MACF1: variants seen among roughly 807,000 people sequenced by gnomAD.
The protein encoded by MACF1 is microtubule actin crosslinking factor 1.
MACF1 carries 193 observed loss-of-function variants against 854.8 expected under a neutral mutation model. The ratio of observed to expected loss-of-function variants is 0.23; its 90% confidence interval spans 0.20 to 0.25. The LOEUF (loss-of-function observed/expected upper bound fraction) is 0.25. Among genes scored for constraint, MACF1 ranks in the 10% least tolerant of loss-of-function variants. The pLI, the probability that MACF1 is intolerant of heterozygous loss-of-function variation, is 1.00. For synonymous variants in MACF1, 3,185 were observed against 3,226.7 expected, an observed-to-expected ratio of 0.99 and a Z score of 0.44; for missense variants, 7,722 against 8,929.1, an observed-to-expected ratio of 0.86 and a Z score of 5.45.
chr1:39,192,019 T>C (rs1200960723), intron 2 of MACF1, among the ~76,000 whole-genome samples: 1 of 151,994 alleles, frequency 6.6e-6, no homozygotes, highest in Non-Finnish European at 1.5e-5. Context: ...GGTGTGGTGG[T>C]GTATGCCTGT....
At chr1:39,419,116 G>A (rs1031787810) in intron 58 of MACF1, among the ~76,000 whole-genome samples, 1 of 152,158 alleles carries the variant, frequency 6.6e-6, no homozygotes, top group African/African-American at 2.4e-5. Context: ...GCTTTATTTG[G>A]GAGTTGACAG....
intron 2 of MACF1, among the ~76,000 whole-genome samples, chr1:39,164,278 T>G (rs1643862933): frequency 1.3e-5 from 2 of 152,228 alleles, no homozygotes; most frequent in South Asian, 4.1e-4. Flanking sequence ...ATACATATAT[T>G]CAAAGCTCTG....
intron 20 of MACF1, 60 bp downstream of exon 20, chr1:39,295,942 C>T (rs557283676): frequency 1.4e-6 from 2 of 1,433,276 alleles, no homozygotes; most frequent in East Asian, 4.6e-5. Context: ...GGTGAGGTTA[C>T]AAACACATCT....
At chr1:39,113,659 C>G (rs1025740350) in intron 2 of MACF1, among the ~76,000 whole-genome samples, 1 of 152,114 alleles carries the variant, frequency 6.6e-6, no homozygotes, top group African/African-American at 2.4e-5. Flanking sequence ...AAGCTTGTGC[C>G]AAATGAAAGC....
intron 2 of MACF1, among the ~76,000 whole-genome samples, chr1:39,132,610 G>T (rs1415301287): frequency 6.6e-6 from 1 of 152,108 alleles, no homozygotes; most frequent in Non-Finnish European, 1.5e-5. Flanking sequence ...CTTGGATCCT[G>T]ATCAGCTGAT....
At position 39,360,194 on chromosome 1, in the gene MACF1, T is replaced by C. The variant is rs181403334; in HGVS notation, c.12245-599T>C. 2.0e-3 allele frequency among the ~76,000 whole-genome samples: 297 copies of C among 151,098 alleles called. 1 individual carries two copies. The highest frequency in any genetic ancestry group is 4.0e-3 in the South Asian group (19 of 4,770). Reference sequence around the variant, plus strand: ...TGATAAGTATGTGAGGTAATGCATATGTTAAATAGCTTAGCTTAGCCATCC... The same window carrying C: ...TGATAAGTATGTGAGGTAATGCATACGTTAAATAGCTTAGCTTAGCCATCC... On this transcript the variant is annotated intron_variant, in intron 47 of 100. Transcript: ENST00000564288.
rs775585173 is a variant in MACF1, at chr1:39,460,177, GA to G, written c.21361-452del. Among the ~76,000 whole-genome samples, 177 of 152,164 alleles carry G rather than the reference GA, an allele frequency of 1.2e-3. 7 individuals are homozygous for G. The highest frequency in any genetic ancestry group is 8.5e-4 in the Admixed American group (13 of 15,282). On this transcript the variant is annotated intron_variant, in intron 91 of 100. Coordinates refer to ENST00000564288, the MANE Select transcript of MACF1 (RefSeq NM_001394062.1). This position sits in a 1 kb window ranked among gnomAD's most constrained non-coding sequence, Gnocchi z 4.1. ...CATCCAGAACTCAGATTTTCTCATT[GA>G]AATCTCAGAAGATAGTGGTAAACAC...
chr1:39,230,860 G>A (rs1007132953), intron 1 of MACF1, among the ~76,000 whole-genome samples: 2 of 152,126 alleles, frequency 1.3e-5, no homozygotes, highest in Non-Finnish European at 2.9e-5. Flanking sequence ...GTGGTATCAC[G>A]GCTTTGGCTT....
At chr1:39,090,279 CAG>C (rs1395471977) in intron 2 of MACF1, among the ~76,000 whole-genome samples, 2 of 152,262 alleles carry the variant, frequency 1.3e-5, no homozygotes. Flanking sequence ...GCAGTGTCCT[CAG>C]AGTCTCTGGC....
In MACF1 at chr1:39,452,712, T is replaced by C. The variant is rs757214246; in HGVS notation, c.20642T>C (p.Met6881Thr). Residue 6881 changes from methionine (M) to threonine (T), a missense_variant, in exon 87 of 101, where the codon ATG becomes ACG. Transcript: ENST00000564288. ...QAEVFRDTVH[M>T]LLEWLSEAEQ... ...GAAGTGTTTCGAGACACAGTCCACA[T>C]GCTGTTGGAGTGGCTTTCTGAAGCA... 6 of 1,613,628 alleles carry C rather than the reference T, an allele frequency of 3.7e-6. 1 individual carries two copies. Among genetic ancestry groups the C allele is most frequent in the South Asian group, 3.3e-5 (3 of 91,062 alleles).
intron 2 of MACF1, among the ~76,000 whole-genome samples, chr1:39,135,008 T>C (rs1643128914): frequency 6.6e-6 from 1 of 152,230 alleles, no homozygotes; most frequent in Admixed American, 6.5e-5. Flanking sequence ...TTGACTACTC[T>C]ATGTACTTCA....
At chr1:39,268,511 G>A in intron 6 of MACF1, 1 of 1,155,072 alleles carries the variant, frequency 8.7e-7, no homozygotes, top group Non-Finnish European at 1.1e-6. Flanking sequence ...TAAGATGGCT[G>A]TCTGAATCGG....
At chr1:39,408,546 C>T (rs928528611) in intron 58 of MACF1, among the ~76,000 whole-genome samples, 1 of 152,130 alleles carries the variant, frequency 6.6e-6, no homozygotes, top group Non-Finnish European at 1.5e-5. Context: ...GAGTGGCCGT[C>T]GCCAGAGCCG....
chr1:39,234,468 G>T, intron 2 of MACF1, among the ~76,000 whole-genome samples: 1 of 131,076 alleles, frequency 7.6e-6, no homozygotes, highest in South Asian at 2.8e-4. Flanking sequence ...TGGCAGAGGA[G>T]CTCCTCACTT....
chr1:39,370,929 C>T (rs1649173913), intron 51 of MACF1, among the ~76,000 whole-genome samples: 1 of 152,094 alleles, frequency 6.6e-6, no homozygotes, highest in African/African-American at 2.4e-5. Context: ...AGTAGTTGTT[C>T]ATATGGTGTT....
chr1:39,330,967 A>G (rs1396916663), intron 36 of MACF1, among the ~76,000 whole-genome samples: 2 of 151,518 alleles, frequency 1.3e-5, no homozygotes, highest in Admixed American at 6.6e-5. Context: ...CCCAGCTAAT[A>G]TTTTGTATTT....
chr1:39,409,988 TA>T lies in MACF1; in HGVS notation c.15817-12378del, dbSNP rs1036442599. On this transcript the variant is annotated intron_variant, in intron 58 of 100. Coordinates refer to ENST00000564288, the MANE Select transcript of MACF1 (RefSeq NM_001394062.1). The surrounding 1 kb of genome is among the most constrained non-coding windows in gnomAD (Gnocchi z 4.2). The stretch of plus-strand genomic sequence containing the variant: ...ACTGTATTTGAAAGAGCAGTGCTCT[TA>T]AAAAAAATTAAACCATAAGCCATAC... 7.0e-5 allele frequency: 24 copies of T among 341,530 alleles called. No homozygotes were observed. The highest frequency in any genetic ancestry group is 1.5e-3 in the Middle Eastern group (2 of 1,320). The allele number at this position is 341,530 out of a possible 1,614,324, so 21.2% of individuals were successfully genotyped here.
At position 39,463,796 on chromosome 1, in the gene MACF1, G is replaced by T. The variant is rs1230021220; in HGVS notation, c.21753+110G>T. 6 of 923,326 alleles carry T rather than the reference G, an allele frequency of 6.5e-6. No homozygotes were observed. The East Asian group carries it at 1.6e-4, about 24-fold the overall frequency. 57.2% of individuals were successfully genotyped at this position (923,326 alleles called of 1,614,324 possible). A position where few individuals can be genotyped will look rare whatever the true frequency, so the allele number is the denominator to read the frequency against. On this transcript the variant is annotated intron_variant, in intron 94 of 100. Transcript: ENST00000564288. ...CCAGAGCCCATCGGACTTGAGATGTGGTCACTCTCTGACCTCATCTCTATA... is the reference window on the plus strand; with the variant it reads ...CCAGAGCCCATCGGACTTGAGATGTTGTCACTCTCTGACCTCATCTCTATA...
chr1:39,324,166 A>C, intron 33 of MACF1, 27 bp from the exon 34 acceptor site: 1 of 1,577,742 alleles, frequency 6.3e-7, no homozygotes, highest in Non-Finnish European at 8.6e-7. Flanking sequence ...CATTGCTAGC[A>C]TATTGATTTT....
Sources: allele counts gnomAD v4.1 joint callset (sites outside exome capture counted in the v4.1 genomes callset), GRCh38; gene constraint gnomAD v4.1.1; non-coding constraint Gnocchi (gnomAD v3.1); transcripts MANE v1.5; gene names NCBI Gene and HGNC (gene_info 2026-07-23, HGNC 2026-07-21).